Variants in CRACD observed in about 807,000 individuals in gnomAD.
The protein encoded by CRACD is capping protein-inhibiting regulator of actin dynamics.
CRACD carries 56 observed loss-of-function variants against 106.8 expected under a neutral mutation model. The ratio of observed to expected loss-of-function variants is 0.52; its 90% CI spans 0.42 to 0.66. The LOEUF (loss-of-function observed/expected upper bound fraction) is 0.66, where lower values mean the gene tolerates loss of function less well. CRACD is among the 30% of genes least tolerant of loss of function. CRACD has a pLI of 0.00. For synonymous variants in CRACD, 754 were observed against 670.8 expected (o/e 1.12, Z -1.92); for missense variants, 1,730 against 1,623.2 (o/e 1.07, Z -1.13).
At position 56,302,753 on chromosome 4, in the gene CRACD, T is replaced by G. The variant is rs143861762; in HGVS notation, c.120+4404T>G. Among the ~76,000 whole-genome samples the G allele has an allele frequency of 4.7e-3, 710 of 152,328 alleles. 2 individuals carry two copies. The highest frequency in any genetic ancestry group is 0.016 in the African/African-American group (679 of 41,568). ...TTTTTTCTGCTTTGCTCTTTAGACA[T>G]AGTCTGAAGGATAGGAAAATCTAGA... On this transcript the variant is annotated intron_variant, in intron 4 of 10. Coordinates refer to ENST00000682029, the MANE Select transcript of CRACD (RefSeq NM_001393381.1).
intron 2 of CRACD, among the ~76,000 whole-genome samples, chr4:56,209,815 G>A (rs1307131320): frequency 6.6e-6 from 1 of 152,038 alleles, no homozygotes; most frequent in Non-Finnish European, 1.5e-5. Flanking sequence ...TTTGAAAGTA[G>A]GACACAGGTA....
At chr4:56,241,112 A>T (rs549668928) in intron 2 of CRACD, among the ~76,000 whole-genome samples, 1 of 152,182 alleles carries the variant, frequency 6.6e-6, no homozygotes, top group Non-Finnish European at 1.5e-5. Context: ...CATATGGAAA[A>T]GGGCAGACTA....
intron 1 of CRACD, among the ~76,000 whole-genome samples, chr4:56,068,331 G>A (rs991352909): frequency 1.3e-5 from 2 of 152,190 alleles, no homozygotes; most frequent in African/African-American, 2.4e-5. Context: ...CAACACGGCC[G>A]CTGCAGCCTG....
intron 1 of CRACD, among the ~76,000 whole-genome samples, chr4:56,118,481 A>G (rs1393085666): frequency 6.6e-6 from 1 of 152,210 alleles, no homozygotes; most frequent in Admixed American, 6.5e-5. Context: ...TCGAGCCACA[A>G]ACTACAGGAG....
intron 4 of CRACD, among the ~76,000 whole-genome samples, chr4:56,299,664 T>C (rs1040773640): frequency 2.0e-5 from 3 of 147,954 alleles, no homozygotes; most frequent in African/African-American, 7.5e-5. Flanking sequence ...AGTGAGAGCT[T>C]GTCCAAAAAA....
chr4:56,080,740 C>G (rs1241035781), intron 1 of CRACD, among the ~76,000 whole-genome samples: 4 of 152,302 alleles, frequency 2.6e-5, no homozygotes, highest in Admixed American at 6.5e-5. Context: ...ATAAAGGCCC[C>G]TCTCCCTTCA....
chr4:56,228,337 TAAC>T (rs889327946), intron 2 of CRACD, among the ~76,000 whole-genome samples: 6 of 152,168 alleles, frequency 3.9e-5, no homozygotes, highest in African/African-American at 1.2e-4. Flanking sequence ...ACGTTAAACT[TAAC>T]AACTATGATT....
Position 56,315,178 on chromosome 4 carries a change from C to T in CRACD, c.1676C>T (p.Thr559Met), listed in dbSNP as rs1471743472. Reference sequence around the variant, plus strand: ...CCCAAAGTCAACCTGAGCCCCGTGACGCCCGCAAAGGACACGGGGCTCACC... The same window carrying T: ...CCCAAAGTCAACCTGAGCCCCGTGATGCCCGCAAAGGACACGGGGCTCACC... ...LFPKVNLSPV[T>M]PAKDTGLTAA... Residue 559 changes from threonine (T) to methionine (M), a missense_variant, in exon 8 of 11, where the codon ACG becomes ATG. Physicochemically the swap from Thr to Met is moderately conservative, Grantham distance 81 (BLOSUM62 -1). Coordinates refer to ENST00000682029, the MANE Select transcript of CRACD (RefSeq NM_001393381.1). This position sits in a 1 kb window ranked among gnomAD's most constrained non-coding sequence, Gnocchi z 4.1. 1.3e-5 allele frequency: 21 copies of T among 1,598,410 alleles called. No individual in the cohort carries two copies. The highest frequency in any genetic ancestry group is 5.3e-5 in the Admixed American group (3 of 56,608).
At chr4:56,252,511 C>T (rs1459435472) in intron 2 of CRACD, among the ~76,000 whole-genome samples, 1 of 152,182 alleles carries the variant, frequency 6.6e-6, no homozygotes, top group East Asian at 1.9e-4. Flanking sequence ...CAGCTCAAGG[C>T]TATAGTATTG....
chr4:56,295,028 A>T (rs1743927103), intron 3 of CRACD, among the ~76,000 whole-genome samples: 1 of 151,998 alleles, frequency 6.6e-6, no homozygotes, highest in African/African-American at 2.4e-5. Flanking sequence ...AAGACTCCTT[A>T]AAAAGCTACA....
chr4:56,137,255 G>A (rs1735033993), intron 1 of CRACD, among the ~76,000 whole-genome samples: 1 of 151,586 alleles, frequency 6.6e-6, no homozygotes, highest in Non-Finnish European at 1.5e-5. Flanking sequence ...CTGGGCAACA[G>A]AGGGAGACCC....
intron 10 of CRACD, among the ~76,000 whole-genome samples, chr4:56,326,616 A>G (rs568547160): frequency 9.8e-5 from 15 of 152,308 alleles, no homozygotes; most frequent in Middle Eastern, 6.8e-3. Flanking sequence ...TAAGAAGCCT[A>G]TACACTCTGA....
intron 1 of CRACD, among the ~76,000 whole-genome samples, chr4:56,117,785 T>G (rs1042939485): frequency 2.6e-5 from 4 of 152,132 alleles, no homozygotes; most frequent in African/African-American, 9.7e-5. Flanking sequence ...CGAGACAGAG[T>G]CTCGCTCTGC....
intron 3 of CRACD, among the ~76,000 whole-genome samples, chr4:56,289,599 G>A (rs1309022428): frequency 6.6e-6 from 1 of 151,712 alleles, no homozygotes; most frequent in Non-Finnish European, 1.5e-5. Context: ...CTTGAGCCTG[G>A]AGAGTTCGAA....
intron 1 of CRACD, among the ~76,000 whole-genome samples, chr4:56,069,738 C>A (rs1415420518): frequency 1.3e-5 from 2 of 152,148 alleles, no homozygotes; most frequent in Admixed American, 6.5e-5. Flanking sequence ...TAGAAGAAGG[C>A]TGCCAGAATA....
intron 1 of CRACD, among the ~76,000 whole-genome samples, chr4:56,079,990 C>T (rs1444619652): frequency 6.6e-6 from 1 of 152,100 alleles, no homozygotes; most frequent in Non-Finnish European, 1.5e-5. Context: ...TAATGGCTTA[C>T]AATTAGTGTT....
At chr4:56,230,627 C>G (rs1739566831) in intron 2 of CRACD, among the ~76,000 whole-genome samples, 1 of 152,140 alleles carries the variant, frequency 6.6e-6, no homozygotes, top group African/African-American at 2.4e-5. Flanking sequence ...CTGAAAGATT[C>G]TTGGCACTTA....
intron 1 of CRACD, among the ~76,000 whole-genome samples, chr4:56,069,328 A>G (rs1732559347): frequency 6.6e-6 from 1 of 152,192 alleles, no homozygotes; most frequent in East Asian, 1.9e-4. Flanking sequence ...TTTCATGGAA[A>G]AGATTGCTGT....
chr4:56,058,373 A>G (rs528459125), intron 1 of CRACD, among the ~76,000 whole-genome samples: 3 of 152,276 alleles, frequency 2.0e-5, no homozygotes, highest in East Asian at 3.9e-4. Flanking sequence ...CTGGCCTCAG[A>G]TAGTTTTGAG....
Sources: gnomAD v4.1 joint callset for allele counts (sites outside exome capture counted in the v4.1 genomes callset) on GRCh38, gnomAD v4.1.1 for gene constraint, Gnocchi (gnomAD v3.1) non-coding constraint, MANE v1.5 for transcripts, NCBI Gene and HGNC (gene_info 2026-07-23, HGNC 2026-07-21) for gene names.